Variants in KIRREL3 observed in about 807,000 individuals in gnomAD.
The protein encoded by KIRREL3 is kirre like nephrin family adhesion molecule 3.
In KIRREL3, 36 loss-of-function variants were observed where a neutral mutation model predicts 89.7. The observed-to-expected ratio is 0.40, with a 90% CI of 0.31 to 0.53. KIRREL3 has a LOEUF of 0.53. KIRREL3 is among the 20% of genes least tolerant of loss of function. The pLI is 0.49. For synonymous variants in KIRREL3, 445 were observed against 441.4 expected, an observed-to-expected ratio of 1.01 and a Z score of -0.10; for missense variants, 864 against 1,056.6, an observed-to-expected ratio of 0.82 and a Z score of 2.53.
chr11:126,566,679 T>C lies in KIRREL3; in HGVS notation c.56-3767A>G, dbSNP rs2134604580. ...AAAGGGGATGGCTTTTTAAATGGGATGGGTTTTCTTCCATTTCAGAGGGTG... is the reference window on the plus strand; with the variant it reads ...AAAGGGGATGGCTTTTTAAATGGGACGGGTTTTCTTCCATTTCAGAGGGTG... On this transcript the variant is annotated intron_variant, in intron 1 of 16. Coordinates refer to ENST00000525144, the MANE Select transcript of KIRREL3 (RefSeq NM_032531.4). The surrounding 1 kb of genome is among the most constrained non-coding windows in gnomAD (Gnocchi z 4.9). 6.6e-6 allele frequency among the ~76,000 whole-genome samples: 1 copy of C among 152,298 alleles called. No homozygotes were observed. Among genetic ancestry groups the C allele is most frequent in the African/African-American group, 2.4e-5 (1 of 41,574 alleles).
Position 126,519,053 on chromosome 11 carries a change from G to C in KIRREL3, c.433+2262C>G, listed in dbSNP as rs1958508867. ...TCAGGAATTTCACGGAGGGGACCCT[G>C]CTGGGGATCATGGAAACTTCCTCTG... On this transcript the variant is annotated intron_variant, in intron 4 of 16. Transcript: ENST00000525144. This position sits in a 1 kb window ranked among gnomAD's most constrained non-coding sequence, Gnocchi z 4.3. 6.6e-6 allele frequency among the ~76,000 whole-genome samples: 1 copy of C among 152,224 alleles called. No homozygotes were observed. The highest frequency in any genetic ancestry group is 2.1e-4 in the South Asian group (1 of 4,836).
At chr11:126,822,368 C>A (rs1376673132) in intron 1 of KIRREL3, among the ~76,000 whole-genome samples, 3 of 152,118 alleles carry the variant, frequency 2.0e-5, no homozygotes, top group East Asian at 3.9e-4. Flanking sequence ...GGAGAAGGAG[C>A]CTTGGTGAGT....
chr11:126,959,652 A>T (rs1949025338), intron 1 of KIRREL3, among the ~76,000 whole-genome samples: 1 of 152,114 alleles, frequency 6.6e-6, no homozygotes, highest in South Asian at 2.1e-4. Context: ...TAGATATCTC[A>T]ATGTTCTCCC....
rs940534603 is a variant in KIRREL3 at position 126,955,949 on chromosome 11, C to T, written c.55+44506G>A. Among the ~76,000 whole-genome samples the T allele has an allele frequency of 3.3e-5, 5 of 152,128 alleles. No individual in the cohort carries two copies. Among genetic ancestry groups the T allele is most frequent in the Non-Finnish European group, 7.3e-5 (5 of 68,028 alleles). On this transcript the variant is annotated intron_variant, in intron 1 of 16. Transcript: ENST00000525144. The surrounding 1 kb of genome is among the most constrained non-coding windows in gnomAD (Gnocchi z 4.6). ...ATGAATTGAATTACACAACAAAATG[C>T]AAAATGTTAAACGTTCTATGAAAAA...
intron 1 of KIRREL3, among the ~76,000 whole-genome samples, chr11:126,832,326 G>A (rs762120246): frequency 1.3e-5 from 2 of 152,098 alleles, no homozygotes; most frequent in East Asian, 1.9e-4. Context: ...AAAGTGAATC[G>A]CTCACAATGA....
rs562459086 is a variant in KIRREL3, at chr11:126,685,897, C to A, written c.56-122985G>T. On this transcript the variant is annotated intron_variant, in intron 1 of 16. Coordinates refer to ENST00000525144, the MANE Select transcript of KIRREL3 (RefSeq NM_032531.4). This position sits in a 1 kb window ranked among gnomAD's most constrained non-coding sequence, Gnocchi z 5.5. ...TTTTTCCCTCATGCTGGGCTCTTCACGTGGCATCCTGTGCCTGCTCAATGC... is the reference window on the plus strand; with the variant it reads ...TTTTTCCCTCATGCTGGGCTCTTCAAGTGGCATCCTGTGCCTGCTCAATGC... 9.2e-5 allele frequency among the ~76,000 whole-genome samples: 14 copies of A among 152,344 alleles called. No individual in the cohort carries two copies. In the South Asian group the frequency reaches 2.9e-3, roughly 32 times the overall value.
chr11:126,581,652 AT>A (rs34231665), intron 1 of KIRREL3, among the ~76,000 whole-genome samples: 112,101 of 151,330 alleles, frequency 0.74, 42,305 homozygotes, highest in East Asian at 0.98. Context: ...CATATGTATC[AT>A]TTTTTTTTTG....
rs1397472759 is a variant in KIRREL3 at position 126,561,339 on chromosome 11, C to T, written c.133+1496G>A. ...TCCCATCCCCTCATCTCCTCAGCCA[C>T]CCAGAAGCTGAGGTCAGATATCTGG... On this transcript the variant is annotated intron_variant, in intron 2 of 16. Transcript: ENST00000525144. This position sits in a 1 kb window ranked among gnomAD's most constrained non-coding sequence, Gnocchi z 4.5. Among the ~76,000 whole-genome samples, 2 of 152,246 alleles carry T rather than the reference C, an allele frequency of 1.3e-5. No individual in the cohort carries two copies. Among genetic ancestry groups the T allele is most frequent in the Non-Finnish European group, 2.9e-5 (2 of 68,046 alleles).
chr11:126,521,602 C>T lies in KIRREL3; in HGVS notation c.284-138G>A. ...GCGGGTGATTGCTCAGGGCTCTGAT[C>T]TCAGTGCAAGGAGCACAAATGCAAG... On this transcript the variant is annotated intron_variant, in intron 3 of 16. Coordinates refer to ENST00000525144, the MANE Select transcript of KIRREL3 (RefSeq NM_032531.4). The surrounding 1 kb of genome is among the most constrained non-coding windows in gnomAD (Gnocchi z 4.1). 1 of 738,132 alleles carries T rather than the reference C, an allele frequency of 1.4e-6. No individual in the cohort carries two copies. The highest frequency in any genetic ancestry group is 2.2e-6 in the Non-Finnish European group (1 of 456,554). The allele number at this position is 738,132 out of a possible 1,614,324, so 45.7% of individuals were successfully genotyped here.
intron 1 of KIRREL3, among the ~76,000 whole-genome samples, chr11:126,588,002 G>T (rs968764548): frequency 6.6e-6 from 1 of 152,154 alleles, no homozygotes; most frequent in Non-Finnish European, 1.5e-5. Flanking sequence ...AGGGCTCGGG[G>T]GAAAGCATTG....
rs1943552160 is a variant in KIRREL3, at chr11:126,620,979, TA to T, written c.56-58068del. ...CTGTGTGCCTGACTTGCAGACTTCT[TA>T]AGAGCAGGGCACAGAGAGACTGGAA... On this transcript the variant is annotated intron_variant, in intron 1 of 16. Transcript: ENST00000525144. The surrounding 1 kb of genome is among the most constrained non-coding windows in gnomAD (Gnocchi z 4.8). Among the ~76,000 whole-genome samples, 1 of 152,180 alleles carries T rather than the reference TA, an allele frequency of 6.6e-6. No individual in the cohort carries two copies. Among genetic ancestry groups the T allele is most frequent in the African/African-American group, 2.4e-5 (1 of 41,434 alleles).
intron 1 of KIRREL3, among the ~76,000 whole-genome samples, chr11:126,699,913 G>T (rs758322020): frequency 6.6e-6 from 1 of 152,268 alleles, no homozygotes; most frequent in Non-Finnish European, 1.5e-5. Flanking sequence ...TAAAAATAAG[G>T]CCGGACATGG....
At chr11:126,672,669 A>G (rs549765556) in intron 1 of KIRREL3, among the ~76,000 whole-genome samples, 60 of 152,186 alleles carry the variant, frequency 3.9e-4, no homozygotes, top group Non-Finnish European at 6.6e-4. Flanking sequence ...TACATATTGG[A>G]TCTTTGTCCT....
rs1012086465 is a variant in KIRREL3, at chr11:126,655,558, A to G, written c.56-92646T>C. Among the ~76,000 whole-genome samples the G allele has an allele frequency of 1.3e-5, 2 of 152,288 alleles. No individual in the cohort carries two copies. Among genetic ancestry groups the G allele is most frequent in the African/African-American group, 4.8e-5 (2 of 41,558 alleles). ...GTTTCTCTTCCTGCCCAGGGAAGGC[A>G]GCTACTGTGTGTCCCCCTGGGGACT... On this transcript the variant is annotated intron_variant, in intron 1 of 16. Transcript: ENST00000525144. This position sits in a 1 kb window ranked among gnomAD's most constrained non-coding sequence, Gnocchi z 5.0.
intron 1 of KIRREL3, among the ~76,000 whole-genome samples, chr11:126,588,934 AGG>A (rs1942002574): frequency 1.3e-5 from 2 of 152,140 alleles, no homozygotes; most frequent in Non-Finnish European, 2.9e-5. Context: ...TCACTCCAGC[AGG>A]GAGCTTGCTG....
In KIRREL3 at chr11:126,476,292, G is replaced by C. The variant is rs1264323588; in HGVS notation, c.434-2826C>G. On this transcript the variant is annotated intron_variant, in intron 4 of 16. Transcript: ENST00000525144. This position sits in a 1 kb window ranked among gnomAD's most constrained non-coding sequence, Gnocchi z 6.4. ...AGGACTTTGGGGAGCTCCCCAGGGG[G>C]TCCCATGGCAGGACCAGCTTTCTGG... Among the ~76,000 whole-genome samples, 6 of 152,312 alleles carry C rather than the reference G, an allele frequency of 3.9e-5. No homozygotes were observed. The South Asian group carries it at 1.0e-3, about 26-fold the overall frequency.
chr11:126,759,006 T>G (rs1037581441), intron 1 of KIRREL3, among the ~76,000 whole-genome samples: 4 of 152,184 alleles, frequency 2.6e-5, no homozygotes, highest in Admixed American at 6.5e-5. Flanking sequence ...GTTGCTGTCT[T>G]GTGTAAGCCA....
chr11:126,508,935 C>T lies in KIRREL3; in HGVS notation c.433+12380G>A, dbSNP rs1436326260. On this transcript the variant is annotated intron_variant, in intron 4 of 16. Transcript: ENST00000525144. This position sits in a 1 kb window ranked among gnomAD's most constrained non-coding sequence, Gnocchi z 4.9. ...CTCTTCTCTCCACTCGAGCAACTCA[C>T]AAGCTGCCCTTTCTGTGCATAGAAG... Among the ~76,000 whole-genome samples the T allele has an allele frequency of 6.6e-6, 1 of 152,172 alleles. No individual in the cohort carries two copies. The highest frequency in any genetic ancestry group is 1.5e-5 in the Non-Finnish European group (1 of 68,028).
intron 1 of KIRREL3, among the ~76,000 whole-genome samples, chr11:126,951,588 T>G (rs922718272): frequency 6.6e-6 from 1 of 152,188 alleles, no homozygotes. Flanking sequence ...ATTTATTGTG[T>G]CAGGGGGACA....
Sources: gnomAD v4.1 joint callset for allele counts (sites outside exome capture counted in the v4.1 genomes callset) on GRCh38, gnomAD v4.1.1 for gene constraint, Gnocchi (gnomAD v3.1) non-coding constraint, MANE v1.5 for transcripts, NCBI Gene and HGNC (gene_info 2026-07-23, HGNC 2026-07-21) for gene names.